PICK1: variants seen among roughly 807,000 people sequenced by gnomAD.
The protein encoded by PICK1 is protein interacting with PRKCA 1.
PICK1 carries 23 observed loss-of-function variants against 48.9 expected under a neutral mutation model. The ratio of observed to expected loss-of-function variants is 0.47; its 90% CI spans 0.34 to 0.67. The LOEUF is 0.67. PICK1 is among the 30% of genes least tolerant of loss of function. The pLI, the probability that PICK1 is intolerant of heterozygous loss-of-function variation, is 0.01. For synonymous variants in PICK1, 217 were observed against 228.2 expected (o/e 0.95, Z 0.44); for missense variants, 423 against 557.1 (o/e 0.76, Z 2.42).
chr22:38,071,435 C>T (rs2085688883), intron 7 of PICK1, among the ~76,000 whole-genome samples: 1 of 152,244 alleles, frequency 6.6e-6, no homozygotes, highest in South Asian at 2.1e-4. Context: ...TGTCCCAGGG[C>T]TAAAGCCCAC....
At chr22:38,059,422 T>C (rs2085346566) in intron 3 of PICK1, 77 bp downstream of exon 3, 1 of 967,932 alleles carries the variant, frequency 1.0e-6, no homozygotes, top group Admixed American at 2.0e-5. Flanking sequence ...TTCTCCACAC[T>C]GCATAGCTGA....
At chr22:38,064,760 CA>C (rs903199556) in intron 3 of PICK1, among the ~76,000 whole-genome samples, 1 of 151,548 alleles carries the variant, frequency 6.6e-6, no homozygotes, top group African/African-American at 2.4e-5. Context: ...AACGCCGACT[CA>C]AAAAAAAGAA....
chr22:38,063,788 G>A (rs932409410), intron 3 of PICK1, among the ~76,000 whole-genome samples: 11 of 151,806 alleles, frequency 7.2e-5, no homozygotes, highest in African/African-American at 9.7e-5. Flanking sequence ...GACTACAGGC[G>A]TACACCACCA....
Position 38,073,837 on chromosome 22 carries a change from G to A in PICK1, c.834+14G>A. 1 of 1,612,754 alleles carries A rather than the reference G, an allele frequency of 6.2e-7. No homozygotes were observed. Among genetic ancestry groups the A allele is most frequent in the South Asian group, 1.1e-5 (1 of 91,074 alleles). ...TACAGCTGCATTGTGAGTGTTGGAG[G>A]GGGTGGGGGGCTTGTACTTCCCCCC... On this transcript the variant is annotated intron_variant, in intron 11 of 12. Transcript: ENST00000356976. The surrounding 1 kb of genome is among the most constrained non-coding windows in gnomAD (Gnocchi z 5.7).
chr22:38,059,193 C>T, intron 2 of PICK1, 41 bp from the exon 3 acceptor site: 1 of 1,447,572 alleles, frequency 6.9e-7, no homozygotes, highest in Non-Finnish European at 9.5e-7. Context: ...TCCAGTCATC[C>T]TTCTGCCAGG....
rs1289761077 is a variant in PICK1 at position 38,074,200 on chromosome 22, AGTCTCAGAAATGAG to A, written c.835-99_835-86del. ...ACTGAGTGCTTCTGAGAAACACTGA[AGTCTCAGAAATGAG>A]GTCTCAGGAATGAAGAACAGCCGTG... On this transcript the variant is annotated intron_variant, in intron 11 of 12. Coordinates refer to ENST00000356976, the MANE Select transcript of PICK1 (RefSeq NM_012407.4). This position sits in a 1 kb window ranked among gnomAD's most constrained non-coding sequence, Gnocchi z 4.5. 32 of 1,330,566 alleles carry A rather than the reference AGTCTCAGAAATGAG, an allele frequency of 2.4e-5. 1 individual carries two copies. The highest frequency in any genetic ancestry group is 3.5e-5 in the Admixed American group (2 of 56,966). The allele number at this position is 1,330,566 out of a possible 1,614,324, so 82.4% of individuals were successfully genotyped here.
chr22:38,059,486 C>T (rs984598876), intron 3 of PICK1, 141 bp downstream of exon 3: 42 of 685,910 alleles, frequency 6.1e-5, no homozygotes, highest in South Asian at 9.8e-5. Flanking sequence ...TGACCACCTG[C>T]GCTGCGTTGC....
At position 38,066,480 on chromosome 22, in the gene PICK1, C is replaced by T. The variant is rs1243798594; in HGVS notation, c.283-1224C>T. On this transcript the variant is annotated intron_variant, in intron 4 of 12. Coordinates refer to ENST00000356976, the MANE Select transcript of PICK1 (RefSeq NM_012407.4). The surrounding 1 kb of genome is among the most constrained non-coding windows in gnomAD (Gnocchi z 4.1). ...AGCCATGACAGGGATGCAGCATTGG[C>T]CCAGCTCCCCTGTTTGGGTGCTGGG... is the stretch of plus-strand genomic sequence containing the variant. 6.6e-6 allele frequency among the ~76,000 whole-genome samples: 1 copy of T among 152,228 alleles called. No individual in the cohort carries two copies. Among genetic ancestry groups the T allele is most frequent in the African/African-American group, 2.4e-5 (1 of 41,466 alleles).
intron 2 of PICK1, 23 bp from the exon 3 acceptor site, chr22:38,059,211 G>T: frequency 6.5e-7 from 1 of 1,534,474 alleles, no homozygotes. Context: ...AGGAGAGTCA[G>T]CCTAGCTTGC....
Position 38,074,819 on chromosome 22 carries a change from G to A in PICK1, c.980-45G>A, listed in dbSNP as rs967200633. On this transcript the variant is annotated intron_variant, in intron 12 of 12. Coordinates refer to ENST00000356976, the MANE Select transcript of PICK1 (RefSeq NM_012407.4). The surrounding 1 kb of genome is among the most constrained non-coding windows in gnomAD (Gnocchi z 4.5). Reference sequence around the variant, plus strand: ...TGGGAGAGTCTCCTCCCTGAGGCAGGCAGCCAGAGCCCACTGCAGCCTGTC... The same window carrying A: ...TGGGAGAGTCTCCTCCCTGAGGCAGACAGCCAGAGCCCACTGCAGCCTGTC... The A allele has an allele frequency of 2.5e-6, 4 of 1,601,592 alleles. No individual in the cohort carries two copies. The Admixed American group carries it at 6.7e-5, about 27-fold the overall frequency.
At position 38,066,640 on chromosome 22, in the gene PICK1, G is replaced by A. The variant is rs1053692340; in HGVS notation, c.283-1064G>A. On this transcript the variant is annotated intron_variant, in intron 4 of 12. Transcript: ENST00000356976. This position sits in a 1 kb window ranked among gnomAD's most constrained non-coding sequence, Gnocchi z 4.1. ...GTTGGCCTACAGCTGCTCCCTGTGG[G>A]GTGGCCCCTGAGCACGCCTGTGTTT... is the stretch of plus-strand genomic sequence containing the variant. Among the ~76,000 whole-genome samples the A allele has an allele frequency of 1.3e-5, 2 of 152,212 alleles. No individual in the cohort carries two copies. Among genetic ancestry groups the A allele is most frequent in the African/African-American group, 4.8e-5 (2 of 41,452 alleles).
chr22:38,064,676 G>C (rs1601943892), intron 3 of PICK1, among the ~76,000 whole-genome samples: 2 of 152,306 alleles, frequency 1.3e-5, no homozygotes, highest in East Asian at 3.9e-4. Flanking sequence ...CAGGAGAATT[G>C]CTTGAACCCG....
rs375303415 is a variant in PICK1 at position 38,061,063 on chromosome 22, C to T, written c.153+1718C>T. On this transcript the variant is annotated intron_variant, in intron 3 of 12. Transcript: ENST00000356976. ...CAGCCAATAAAATAATAGAACTGGC[C>T]GGGTGCGGTGGCTCACACCTGTAAT... Among the ~76,000 whole-genome samples the T allele has an allele frequency of 8.6e-5, 13 of 151,948 alleles. 1 individual carries two copies. The highest frequency in any genetic ancestry group is 2.4e-4 in the African/African-American group (10 of 41,486).
intron 2 of PICK1, 37 bp downstream of exon 2, chr22:38,057,887 G>A: frequency 2.6e-6 from 4 of 1,551,782 alleles, no homozygotes; most frequent in Non-Finnish European, 3.6e-6. Context: ...AGCAGTATAG[G>A]AGCCCCAAGT....
At chr22:38,067,274 C>T (rs1454843653) in intron 4 of PICK1, among the ~76,000 whole-genome samples, 4 of 150,480 alleles carry the variant, frequency 2.7e-5, no homozygotes, top group Admixed American at 6.6e-5. Flanking sequence ...CATGTCACAG[C>T]GCTCAGCCTG....
rs1412185865 is a variant in PICK1 at position 38,066,587 on chromosome 22, G to GC, written c.283-1114dup. Among the ~76,000 whole-genome samples, 1 of 152,180 alleles carries GC rather than the reference G, an allele frequency of 6.6e-6. No homozygotes were observed. ...GTCACACAGCTGAACTGGAGCCCGG[G>GC]CCCGACTCCCACTGCAGCCCGCTTG... On this transcript the variant is annotated intron_variant, in intron 4 of 12. Transcript: ENST00000356976. The surrounding 1 kb of genome is among the most constrained non-coding windows in gnomAD (Gnocchi z 4.1).
intron 8 of PICK1, chr22:38,072,117 T>C: frequency 2.0e-6 from 1 of 490,904 alleles, no homozygotes; most frequent in Non-Finnish European, 3.7e-6. Context: ...GTGGAGCTGT[T>C]GTTCCAATCC....
In PICK1 at chr22:38,066,673, C is replaced by T. The variant is rs3026685; in HGVS notation, c.283-1031C>T. 0.32 allele frequency among the ~76,000 whole-genome samples: 48,300 copies of T among 152,192 alleles called. 7,791 individuals are homozygous for T. The highest frequency in any genetic ancestry group is 0.4 in the East Asian group (2,081 of 5,174). On this transcript the variant is annotated intron_variant, in intron 4 of 12. Transcript: ENST00000356976. The surrounding 1 kb of genome is among the most constrained non-coding windows in gnomAD (Gnocchi z 4.1). The stretch of plus-strand genomic sequence containing the variant: ...CTGAGCACGCCTGTGTTTCATTCTG[C>T]GGGAGCAGTTCACACCCCACCTCTG...
intron 4 of PICK1, chr22:38,067,396 G>A (rs565063320): frequency 7.8e-5 from 27 of 347,778 alleles, no homozygotes; most frequent in Non-Finnish European, 1.3e-4. Context: ...TGCAACCTCC[G>A]CCTCCCAGGT....
Sources: allele counts gnomAD v4.1 joint callset (sites outside exome capture counted in the v4.1 genomes callset), GRCh38; gene constraint gnomAD v4.1.1; non-coding constraint Gnocchi (gnomAD v3.1); transcripts MANE v1.5; gene names NCBI Gene and HGNC (gene_info 2026-07-23, HGNC 2026-07-21).